Variants in TEX264 observed in about 807,000 individuals in gnomAD.
The protein encoded by TEX264 is testis expressed 264, ER-phagy receptor, also known as testis-expressed protein 264.
Under a neutral mutation model 23.4 loss-of-function variants are expected in TEX264, and 13 were observed. The ratio of observed to expected loss-of-function variants is 0.56; its 90% CI spans 0.36 to 0.88. The LOEUF (loss-of-function observed/expected upper bound fraction) is 0.88. TEX264 is among the 40% of genes least tolerant of loss of function. The pLI, the probability that TEX264 is intolerant of heterozygous loss-of-function variation, is 0.01. For missense variants in TEX264, 340 were observed against 406.8 expected (o/e 0.84, Z 1.41); for synonymous variants, 159 against 170.0 (o/e 0.94, Z 0.50).
chr3:51,677,559 G>A (rs1301950569), intron 2 of TEX264, among the ~76,000 whole-genome samples: 1 of 152,184 alleles, frequency 6.6e-6, no homozygotes, highest in East Asian at 1.9e-4. Flanking sequence ...GGGGTGGTGA[G>A]TAACCAGGTG....
chr3:51,704,282 A>T lies in TEX264; in HGVS notation c.*266A>T, dbSNP rs1457736737. On this transcript the variant is annotated 3_prime_UTR_variant, in exon 5 of 5. Coordinates refer to ENST00000341333, the MANE Select transcript of TEX264 (RefSeq NM_015926.6). Reference sequence around the variant, plus strand: ...TTTTCAGACTCACAGTGGAGCTTCCAGGACCCAGAATAAAGCCAATGATTT... The same window carrying T: ...TTTTCAGACTCACAGTGGAGCTTCCTGGACCCAGAATAAAGCCAATGATTT... 5.8e-6 allele frequency: 2 copies of T among 343,274 alleles called. No individual in the cohort carries two copies. The highest frequency in any genetic ancestry group is 1.0e-5 in the Non-Finnish European group (2 of 190,634). 21.3% of individuals were successfully genotyped at this position (343,274 alleles called of 1,614,324 possible).
In TEX264 at chr3:51,694,796, G is replaced by A. The variant is rs547777713; in HGVS notation, c.481-4610G>A. ...GTGTGAGGGGAGAGTAGAGAGAGGG[G>A]AAGGTGCTCACCAGCCCTTCTGCAG... On this transcript the variant is annotated intron_variant, in intron 3 of 4. Transcript: ENST00000341333. Among the ~76,000 whole-genome samples, 9 of 152,322 alleles carry A rather than the reference G, an allele frequency of 5.9e-5. No individual in the cohort carries two copies. The South Asian group carries it at 1.7e-3, about 28-fold the overall frequency.
At chr3:51,693,679 C>T (rs1220373032) in intron 3 of TEX264, among the ~76,000 whole-genome samples, 1 of 151,992 alleles carries the variant, frequency 6.6e-6, no homozygotes, top group African/African-American at 2.4e-5. Flanking sequence ...GGGGTTTCAC[C>T]ATGTCAGCCA....
At chr3:51,676,524 G>C (rs925424767) in intron 2 of TEX264, among the ~76,000 whole-genome samples, 1 of 152,224 alleles carries the variant, frequency 6.6e-6, no homozygotes, top group Admixed American at 6.5e-5. Flanking sequence ...GTGCTTGTCT[G>C]GGGGACTGTG....
chr3:51,673,159 G>A lies in TEX264; in HGVS notation c.-34-1112G>A, dbSNP rs1301359277. The stretch of plus-strand genomic sequence containing the variant: ...GCTAAGTATTCCACAAAGTTGCAGC[G>A]TGGCCTTTTTAGCTTCAAAACCTTT... On this transcript the variant is annotated intron_variant, in intron 1 of 4. Coordinates refer to ENST00000341333, the MANE Select transcript of TEX264 (RefSeq NM_015926.6). Among the ~76,000 whole-genome samples, 6 of 152,288 alleles carry A rather than the reference G, an allele frequency of 3.9e-5. No individual in the cohort carries two copies. The South Asian group carries it at 8.3e-4, about 21-fold the overall frequency.
intron 3 of TEX264, among the ~76,000 whole-genome samples, chr3:51,693,274 G>T (rs909399788): frequency 2.6e-5 from 4 of 152,154 alleles, no homozygotes; most frequent in Non-Finnish European, 5.9e-5. Flanking sequence ...GCAGCAGGCT[G>T]GGGTGCCAGG....
rs28730659 is a variant in TEX264 at position 51,699,182 on chromosome 3, G to A, written c.481-224G>A. Reference sequence around the variant, plus strand: ...CTTTTACCACCTGCCCTAGGGTGTCGTCCTGGGTCTTCAGACTATTATTGC... The same window carrying A: ...CTTTTACCACCTGCCCTAGGGTGTCATCCTGGGTCTTCAGACTATTATTGC... On this transcript the variant is annotated intron_variant, in intron 3 of 4. Transcript: ENST00000341333. Among the ~76,000 whole-genome samples the A allele has an allele frequency of 9.3e-3, 1,416 of 152,266 alleles. 29 individuals carry two copies. The highest frequency in any genetic ancestry group is 0.03 in the African/African-American group (1,238 of 41,532).
Position 51,690,344 on chromosome 3 carries a change from C to T in TEX264, c.480+5710C>T, listed in dbSNP as rs1490747369. Among the ~76,000 whole-genome samples, 25 of 152,244 alleles carry T rather than the reference C, an allele frequency of 1.6e-4. 1 individual carries two copies. Reference sequence around the variant, plus strand: ...GTCAGGAGTTTGAGACCAGCCTGGCCAACACAGTGAAACCCCATCTTTACT... The same window carrying T: ...GTCAGGAGTTTGAGACCAGCCTGGCTAACACAGTGAAACCCCATCTTTACT... On this transcript the variant is annotated intron_variant, in intron 3 of 4. Transcript: ENST00000341333.
intron 3 of TEX264, chr3:51,694,688 T>G (rs1287527955): frequency 1.3e-5 from 2 of 152,442 alleles, no homozygotes; most frequent in Non-Finnish European, 2.9e-5. Flanking sequence ...TGCCACTTCC[T>G]GCTTCCTCTT....
chr3:51,679,938 G>C (rs1314596209), intron 2 of TEX264, among the ~76,000 whole-genome samples: 1 of 152,176 alleles, frequency 6.6e-6, no homozygotes, highest in African/African-American at 2.4e-5. Context: ...TCCCAGGGAA[G>C]TTGGGGGTTG....
At chr3:51,675,184 TG>T (rs1289777157) in intron 2 of TEX264, among the ~76,000 whole-genome samples, 1 of 152,220 alleles carries the variant, frequency 6.6e-6, no homozygotes, top group African/African-American at 2.4e-5. Context: ...ATGTTCAGAA[TG>T]CTGAAGTCAA....
At chr3:51,672,398 T>G (rs2106885698) in intron 1 of TEX264, 1 of 152,182 alleles carries the variant, frequency 6.6e-6, no homozygotes, top group South Asian at 2.1e-4. Flanking sequence ...CCCAGGTGGG[T>G]TTTCTTCCCC....
chr3:51,674,529 C>T lies in TEX264; in HGVS notation c.225C>T (p.Arg75=), dbSNP rs753943790. ...TESCSISPKL[R]SIAVYYDNPH... Reference sequence around the variant, plus strand: ...GCTGCAGCATCTCTCCCAAGCTCCGCTCCATCGCTGTCTACTATGACAACC... The same window carrying T: ...GCTGCAGCATCTCTCCCAAGCTCCGTTCCATCGCTGTCTACTATGACAACC... The change falls in exon 2 of 5, where the codon CGC becomes CGT. Residue 75 remains arginine (R), a synonymous_variant. Coordinates refer to ENST00000341333, the MANE Select transcript of TEX264 (RefSeq NM_015926.6). The T allele has an allele frequency of 3.1e-6, 5 of 1,614,174 alleles. No individual in the cohort carries two copies. The South Asian group carries it at 4.4e-5, about 14-fold the overall frequency.
rs1338641753 is a variant in TEX264 at position 51,704,077 on chromosome 3, A to T, written c.*61A>T. ...AGGAACTGAGCAGACTCTCCAGCAG[A>T]CTCTCCAGCCCTCTTCCTCCTTCCT... On this transcript the variant is annotated 3_prime_UTR_variant, in exon 5 of 5. Coordinates refer to ENST00000341333, the MANE Select transcript of TEX264 (RefSeq NM_015926.6). 7.4e-7 allele frequency: 1 copy of T among 1,342,896 alleles called. No homozygotes were observed. Among genetic ancestry groups the T allele is most frequent in the Non-Finnish European group, 9.6e-7 (1 of 1,038,700 alleles). The allele number at this position is 1,342,896 out of a possible 1,614,324, so 83.2% of individuals were successfully genotyped here. A position where few individuals can be genotyped will look rare whatever the true frequency, so the allele number is the denominator to read the frequency against.
At chr3:51,677,635 G>T (rs1702275391) in intron 2 of TEX264, among the ~76,000 whole-genome samples, 1 of 152,212 alleles carries the variant, frequency 6.6e-6, no homozygotes, top group South Asian at 2.1e-4. Flanking sequence ...CCCTAGCCAT[G>T]CCTCGTCCTG....
At chr3:51,700,855 T>C (rs1703271314) in intron 4 of TEX264, among the ~76,000 whole-genome samples, 1 of 151,766 alleles carries the variant, frequency 6.6e-6, no homozygotes, top group African/African-American at 2.4e-5. Context: ...CCAAGGGGTC[T>C]GCCCACCTCT....
chr3:51,697,266 G>A (rs1177304439), intron 3 of TEX264, among the ~76,000 whole-genome samples: 2 of 152,360 alleles, frequency 1.3e-5, no homozygotes, highest in African/African-American at 4.8e-5. Context: ...TGGCAGCCTG[G>A]TGCTGCCCAG....
Position 51,703,701 on chromosome 3 carries a change from G to A in TEX264, c.650-23G>A. ...GGGGTGGGGTGGTCCTAGCTAACCT[G>A]TGCTCCCTTTTCCTGGTCATAGGAG... On this transcript the variant is annotated intron_variant, in intron 4 of 4. Coordinates refer to ENST00000341333, the MANE Select transcript of TEX264 (RefSeq NM_015926.6). This position sits in a 1 kb window ranked among gnomAD's most constrained non-coding sequence, Gnocchi z 4.8. 7 of 1,560,858 alleles carry A rather than the reference G, an allele frequency of 4.5e-6. No individual in the cohort carries two copies. Among genetic ancestry groups the A allele is most frequent in the Non-Finnish European group, 6.1e-6 (7 of 1,146,542 alleles).
intron 2 of TEX264, among the ~76,000 whole-genome samples, chr3:51,676,233 C>G (rs1310551537): frequency 6.6e-6 from 1 of 152,232 alleles, no homozygotes; most frequent in African/African-American, 2.4e-5. Flanking sequence ...CAAGAAGAGT[C>G]CTTGCAGCTG....
Sources: allele counts gnomAD v4.1 joint callset (sites outside exome capture counted in the v4.1 genomes callset), GRCh38; gene constraint gnomAD v4.1.1; non-coding constraint Gnocchi (gnomAD v3.1); transcripts MANE v1.5; gene names NCBI Gene and HGNC (gene_info 2026-07-23, HGNC 2026-07-21).